The following NOL4 variants were observed in gnomAD, a reference collection of about 807,000 sequenced individuals.
The protein encoded by NOL4 is cancer/testis antigen 125.
NOL4 carries 17 observed loss-of-function variants against 75.9 expected under a neutral mutation model. That is an observed-to-expected ratio of 0.22 (90% CI 0.15 to 0.34). NOL4 has a LOEUF of 0.34. Ranked by LOEUF, NOL4 falls within the 10% of genes least tolerant of loss-of-function variation. NOL4 has a pLI of 1.00. For missense variants in NOL4, 614 were observed against 793.5 expected, an observed-to-expected ratio of 0.77 and a Z score of 2.72; for synonymous variants, 292 against 289.9, an observed-to-expected ratio of 1.01 and a Z score of -0.07.
At chr18:33,988,782 T>G (rs189454513) in intron 6 of NOL4, among the ~76,000 whole-genome samples, 11 of 151,904 alleles carry the variant, frequency 7.2e-5, no homozygotes, top group Admixed American at 2.6e-4. Flanking sequence ...TATATTGGAA[T>G]TCTGTCAAAG....
intron 6 of NOL4, among the ~76,000 whole-genome samples, chr18:33,983,365 C>T (rs569295710): frequency 6.3e-4 from 96 of 151,576 alleles, no homozygotes; most frequent in Non-Finnish European, 1.0e-3. Flanking sequence ...TGTAGGTTCA[C>T]TGATTATAAC....
intron 5 of NOL4, among the ~76,000 whole-genome samples, chr18:34,083,750 A>C (rs2078117666): frequency 6.6e-6 from 1 of 152,152 alleles, no homozygotes; most frequent in African/African-American, 2.4e-5. Context: ...TAACATACCA[A>C]AGCTACTAAT....
intron 9 of NOL4, among the ~76,000 whole-genome samples, chr18:33,905,626 C>T (rs1315027147): frequency 6.6e-6 from 1 of 152,134 alleles, no homozygotes; most frequent in African/African-American, 2.4e-5. Flanking sequence ...GCTGAATTTG[C>T]CATCCTACAC....
In NOL4 at chr18:34,102,678, T is replaced by G. The variant is rs76108667; in HGVS notation, c.639+1369A>C. On this transcript the variant is annotated intron_variant, in intron 4 of 10. Transcript: ENST00000261592. ...TTGGCACAAAGTGGATCTTCTTACA[T>G]TTTGGCCTAGTAATAAACATATCAA... Among the ~76,000 whole-genome samples the G allele has an allele frequency of 8.6e-3, 1,309 of 152,124 alleles. 4 individuals are homozygous for G. Among genetic ancestry groups the G allele is most frequent in the Middle Eastern group, 0.034 (10 of 292 alleles).
intron 10 of NOL4, among the ~76,000 whole-genome samples, chr18:33,863,205 G>C (rs1176206478): frequency 6.6e-6 from 1 of 152,010 alleles, no homozygotes; most frequent in Non-Finnish European, 1.5e-5. Context: ...CTCACTTATA[G>C]GTGGGAATTG....
intron 10 of NOL4, among the ~76,000 whole-genome samples, chr18:33,867,649 A>AACACAC (rs35491645): frequency 7.4e-5 from 11 of 148,788 alleles, no homozygotes; most frequent in East Asian, 6.2e-4. Flanking sequence ...TGTGTATGTA[A>AACACAC]ACACACACAC....
At chr18:34,200,059 C>A (rs1322959501) in intron 1 of NOL4, among the ~76,000 whole-genome samples, 1 of 151,792 alleles carries the variant, frequency 6.6e-6, no homozygotes, top group Non-Finnish European at 1.5e-5. Flanking sequence ...TTTTCAGACC[C>A]TGGCACCATC....
intron 3 of NOL4, among the ~76,000 whole-genome samples, chr18:34,104,618 A>G (rs1231140189): frequency 6.6e-6 from 1 of 151,924 alleles, no homozygotes; most frequent in Non-Finnish European, 1.5e-5. Flanking sequence ...TAGCTAAATA[A>G]TTTTCAATAA....
At chr18:34,164,376 A>AT (rs1345148901) in intron 1 of NOL4, among the ~76,000 whole-genome samples, 1 of 152,188 alleles carries the variant, frequency 6.6e-6, no homozygotes, top group Non-Finnish European at 1.5e-5. Context: ...ATCTATAATG[A>AT]ACTCAAACAA....
intron 9 of NOL4, among the ~76,000 whole-genome samples, chr18:33,933,420 C>T (rs903555674): frequency 1.3e-4 from 20 of 152,144 alleles, no homozygotes; most frequent in African/African-American, 4.1e-4. Context: ...GCTTGCCACA[C>T]TGACAGATGC....
intron 1 of NOL4, among the ~76,000 whole-genome samples, chr18:34,155,667 G>T (rs981999854): frequency 1.3e-5 from 2 of 151,930 alleles, no homozygotes; most frequent in Non-Finnish European, 2.9e-5. Context: ...TATAGAAAAG[G>T]TATGTAAAAT....
At chr18:34,163,211 A>T (rs1265808338) in intron 1 of NOL4, among the ~76,000 whole-genome samples, 9 of 152,156 alleles carry the variant, frequency 5.9e-5, no homozygotes, top group Non-Finnish European at 1.2e-4. Context: ...CACCACTCCT[A>T]TTCAACATAG....
At chr18:33,906,079 A>G (rs1430856273) in intron 9 of NOL4, among the ~76,000 whole-genome samples, 3 of 152,224 alleles carry the variant, frequency 2.0e-5, no homozygotes, top group African/African-American at 7.2e-5. Flanking sequence ...TTCTGCATGT[A>G]GGCCAAGCTA....
intron 9 of NOL4, among the ~76,000 whole-genome samples, chr18:33,915,560 A>C (rs2066667619): frequency 6.6e-6 from 1 of 152,082 alleles, no homozygotes; most frequent in South Asian, 2.1e-4. Flanking sequence ...GGATGCAGTA[A>C]ATAAGGAGAC....
At chr18:34,025,884 C>T (rs1287560501) in intron 5 of NOL4, among the ~76,000 whole-genome samples, 1 of 152,044 alleles carries the variant, frequency 6.6e-6, no homozygotes, top group Non-Finnish European at 1.5e-5. Context: ...AGAATGTATA[C>T]TCCTTTAGGT....
intron 9 of NOL4, among the ~76,000 whole-genome samples, chr18:33,939,035 T>TAAAC: frequency 6.6e-6 from 1 of 152,166 alleles, no homozygotes. Flanking sequence ...AAATAGGGAA[T>TAAAC]CCTTTCCTCA....
At chr18:34,076,673 G>A (rs184433657) in intron 5 of NOL4, among the ~76,000 whole-genome samples, 49 of 152,212 alleles carry the variant, frequency 3.2e-4, no homozygotes, top group Non-Finnish European at 4.9e-4. Context: ...CCTCCTATGC[G>A]TCCGAGTTCA....
chr18:34,042,500 G>A (rs1033755155), intron 5 of NOL4, among the ~76,000 whole-genome samples: 2 of 151,980 alleles, frequency 1.3e-5, no homozygotes, highest in African/African-American at 4.8e-5. Flanking sequence ...AAAAGTTTAA[G>A]TAAAGTGTAG....
chr18:34,115,886 G>A (rs193154132), intron 2 of NOL4, among the ~76,000 whole-genome samples: 3 of 152,158 alleles, frequency 2.0e-5, no homozygotes, highest in Non-Finnish European at 2.9e-5. Flanking sequence ...AATTATCTAC[G>A]GTTGTGGAGT....
Sources: allele counts gnomAD v4.1 joint callset (sites outside exome capture counted in the v4.1 genomes callset), GRCh38; gene constraint gnomAD v4.1.1; transcripts MANE v1.5; gene names NCBI Gene and HGNC (gene_info 2026-07-23, HGNC 2026-07-21).